Variants in PM20D2 observed in about 807,000 individuals in gnomAD.
PM20D2 encodes the protein peptidase M20 domain containing 2.
PM20D2 carries 33 observed loss-of-function variants against 42.9 expected under a neutral mutation model. The observed-to-expected ratio is 0.77, with a 90% CI of 0.58 to 1.03. The LOEUF (loss-of-function observed/expected upper bound fraction) is 1.03. Ranked by LOEUF, PM20D2 falls within the 50% of genes least tolerant of loss-of-function variation. The pLI is 0.00. For missense variants in PM20D2, 548 were observed against 557.0 expected, an observed-to-expected ratio of 0.98 and a Z score of 0.16; for synonymous variants, 250 against 228.2, an observed-to-expected ratio of 1.10 and a Z score of -0.86.
the PM20D2 span, among the ~76,000 whole-genome samples, chr6:89,121,823 T>G: frequency 6.6e-6 from 1 of 152,328 alleles, no homozygotes; most frequent in Admixed American, 6.5e-5. Flanking sequence ...ATTTAAAAAA[T>G]TATGATCAAT....
the PM20D2 span, among the ~76,000 whole-genome samples, chr6:89,134,026 C>T: frequency 1.3e-5 from 2 of 151,322 alleles, no homozygotes; most frequent in African/African-American, 4.9e-5. Flanking sequence ...TACACTGACA[C>T]AGGTATTTTG....
At chr6:89,121,813 AT>A in the PM20D2 span, among the ~76,000 whole-genome samples, 1 of 152,184 alleles carries the variant, frequency 6.6e-6, no homozygotes, top group African/African-American at 2.4e-5. Flanking sequence ...TATTTAATAC[AT>A]TTAAAAAATT....
At chr6:89,117,932 C>G in the PM20D2 span, 1 of 1,528,900 alleles carries the variant, frequency 6.5e-7, no homozygotes, top group Non-Finnish European at 8.8e-7. Context: ...GGCCGCTGGA[C>G]TCGCTCCGTC....
chr6:89,154,845 T>C lies in PM20D2; in HGVS notation c.855T>C (p.Val285=), dbSNP rs1275811552. ...CACCCTCAATGAAAGAACTTCAAGT[T>C]TTGACCAAAAAGGCAGAAGATTGCT... ...FRAPSMKELQ[V]LTKKAEDCFR... The change falls in exon 4 of 7, where the codon GTT becomes GTC. Residue 285 remains valine (V), a synonymous_variant. Transcript: ENST00000275072. 1 of 1,609,556 alleles carries C rather than the reference T, an allele frequency of 6.2e-7. No individual in the cohort carries two copies. Among genetic ancestry groups the C allele is most frequent in the South Asian group, 1.1e-5 (1 of 90,118 alleles).
chr6:89,121,207 G>T, the PM20D2 span, among the ~76,000 whole-genome samples: 1 of 152,134 alleles, frequency 6.6e-6, no homozygotes, highest in Non-Finnish European at 1.5e-5. Context: ...AACTTAAAAG[G>T]TAGCTGGAAT....
the PM20D2 span, among the ~76,000 whole-genome samples, chr6:89,095,599 G>A: frequency 6.6e-6 from 1 of 152,184 alleles, no homozygotes; most frequent in African/African-American, 2.4e-5. Flanking sequence ...TATTTGTAAT[G>A]CAACAGCATG....
upstream of PM20D2, among the ~76,000 whole-genome samples, chr6:89,142,974 G>A (rs1425773397): frequency 1.3e-5 from 2 of 152,132 alleles, no homozygotes; most frequent in East Asian, 3.9e-4. Flanking sequence ...AATTATTTTT[G>A]TTTGTTTGCT....
Position 89,146,489 on chromosome 6 carries a change from C to T in PM20D2, c.345C>T (p.Asp115=). Residue 115 remains aspartate (D), a synonymous_variant, in exon 1 of 7, where the codon GAC becomes GAT. Transcript: ENST00000275072. Reference sequence around the variant, plus strand: ...ACCTGGGCTTCCTCTGCGAGTACGACGCGCTGCCCGGCATCGGCCACGCCT... The same window carrying T: ...ACCTGGGCTTCCTCTGCGAGTACGATGCGCTGCCCGGCATCGGCCACGCCT... The part of the protein sequence containing the change: ...PLHLGFLCEY[D]ALPGIGHACG... 1 of 1,523,806 alleles carries T rather than the reference C, an allele frequency of 6.6e-7. No homozygotes were observed. Among genetic ancestry groups the T allele is most frequent in the Non-Finnish European group, 8.7e-7 (1 of 1,142,956 alleles). The allele number at this position is 1,523,806 out of a possible 1,614,324, so 94.4% of individuals were successfully genotyped here.
chr6:89,130,660 A>G, the PM20D2 span, among the ~76,000 whole-genome samples: 10 of 151,370 alleles, frequency 6.6e-5, no homozygotes, highest in Non-Finnish European at 1.0e-4. Flanking sequence ...GAGTCTCACT[A>G]TGTTGCCCAG....
At chr6:89,112,478 G>A in the PM20D2 span, among the ~76,000 whole-genome samples, 4 of 133,324 alleles carry the variant, frequency 3.0e-5, no homozygotes, top group Admixed American at 7.9e-5. Flanking sequence ...ACAGGGTCTC[G>A]CTCTGTTGCC....
chr6:89,130,143 G>A, the PM20D2 span, among the ~76,000 whole-genome samples: 3 of 152,090 alleles, frequency 2.0e-5, no homozygotes, highest in African/African-American at 7.2e-5. Context: ...GAATGCAGTA[G>A]CATCATCACA....
the PM20D2 span, among the ~76,000 whole-genome samples, chr6:89,128,707 T>C: frequency 1.7e-4 from 26 of 152,344 alleles, no homozygotes; most frequent in East Asian, 3.9e-3. Flanking sequence ...GTGGGCATCA[T>C]GGTCCCACCA....
chr6:89,156,589 T>TA (rs1228520355), intron 4 of PM20D2, among the ~76,000 whole-genome samples: 1 of 152,192 alleles, frequency 6.6e-6, no homozygotes, highest in Non-Finnish European at 1.5e-5. Flanking sequence ...AAGCATATGT[T>TA]ACGTGTCCTG....
the PM20D2 span, among the ~76,000 whole-genome samples, chr6:89,114,478 G>A: frequency 3.3e-5 from 5 of 152,036 alleles, no homozygotes; most frequent in East Asian, 1.9e-4. Context: ...GGGTTACTGC[G>A]AAAATTTAAT....
At chr6:89,110,614 G>A in the PM20D2 span, among the ~76,000 whole-genome samples, 3 of 152,128 alleles carry the variant, frequency 2.0e-5, no homozygotes, top group African/African-American at 7.2e-5. Flanking sequence ...TTTGTTACTT[G>A]GGTGTAGAGA....
At chr6:89,117,683 C>T in the PM20D2 span, 10 of 800,452 alleles carry the variant, frequency 1.2e-5, no homozygotes, top group African/African-American at 3.7e-5. Flanking sequence ...GCTCACACCT[C>T]CCCAAGTGGC....
chr6:89,150,605 T>C (rs1770799586), intron 2 of PM20D2, among the ~76,000 whole-genome samples: 1 of 139,414 alleles, frequency 7.2e-6, no homozygotes, highest in Non-Finnish European at 1.5e-5. Context: ...AGTGGCACGA[T>C]CTTGGCTCAC....
the PM20D2 span, among the ~76,000 whole-genome samples, chr6:89,123,576 G>C: frequency 6.6e-6 from 1 of 151,848 alleles, no homozygotes; most frequent in South Asian, 2.1e-4. Context: ...AAACAAATTA[G>C]CTGGGCATGG....
chr6:89,154,046 T>C (rs966933460), intron 3 of PM20D2, among the ~76,000 whole-genome samples: 11 of 152,230 alleles, frequency 7.2e-5, no homozygotes, highest in African/African-American at 2.7e-4. Context: ...CTTTACCTGA[T>C]TTTGCTATAG....
Sources: allele counts gnomAD v4.1 joint callset (sites outside exome capture counted in the v4.1 genomes callset), GRCh38; gene constraint gnomAD v4.1.1; transcripts MANE v1.5; gene names NCBI Gene and HGNC (gene_info 2026-07-23, HGNC 2026-07-21).